The following SCAPER variants were observed in gnomAD, a reference collection of about 807,000 sequenced individuals.
SCAPER encodes the protein S phase cyclin A-associated protein in the endoplasmic reticulum.
A neutral mutation model predicts 182.2 loss-of-function variants in SCAPER; 98 were observed. The ratio of observed to expected loss-of-function variants is 0.54; its 90% CI spans 0.46 to 0.64. SCAPER has a LOEUF of 0.64. Among genes scored for constraint, SCAPER ranks in the 30% least tolerant of loss-of-function variants. The probability of loss-of-function intolerance (pLI) is 0.00; values close to 1 mark genes in which losing one functional copy is unlikely to be tolerated. For missense variants in SCAPER, 1,432 were observed against 1,690.0 expected, an observed-to-expected ratio of 0.85 and a Z score of 2.68; for synonymous variants, 605 against 564.6, an observed-to-expected ratio of 1.07 and a Z score of -1.01.
At chr15:76,521,298 G>A (rs2042815427) in intron 23 of SCAPER, among the ~76,000 whole-genome samples, 1 of 151,748 alleles carries the variant, frequency 6.6e-6, no homozygotes, top group African/African-American at 2.4e-5. Flanking sequence ...ATATAAACAG[G>A]CTTTGTTAAT....
intron 21 of SCAPER, among the ~76,000 whole-genome samples, chr15:76,627,682 C>T (rs894433182): frequency 6.6e-6 from 1 of 152,132 alleles, no homozygotes; most frequent in African/African-American, 2.4e-5. Context: ...TTTTCTTTAT[C>T]CAGTTTATCG....
At chr15:76,470,184 C>CAG (rs1321652319) in intron 25 of SCAPER, among the ~76,000 whole-genome samples, 3 of 152,150 alleles carry the variant, frequency 2.0e-5, no homozygotes, top group African/African-American at 7.2e-5. Context: ...CGTACTGAAT[C>CAG]TACTAAGTGC....
chr15:76,791,613 A>G (rs1430589163), intron 8 of SCAPER, among the ~76,000 whole-genome samples: 1 of 152,084 alleles, frequency 6.6e-6, no homozygotes, highest in African/African-American at 2.4e-5. Context: ...GAGTCAAAAA[A>G]TCTTCAATTA....
chr15:76,539,903 C>G (rs1195669198), intron 23 of SCAPER, among the ~76,000 whole-genome samples: 1 of 152,036 alleles, frequency 6.6e-6, no homozygotes, highest in Non-Finnish European at 1.5e-5. Context: ...AAGTCCAAGT[C>G]CATAATGGTA....
chr15:76,723,502 C>T (rs565329274), intron 17 of SCAPER, among the ~76,000 whole-genome samples: 5 of 152,186 alleles, frequency 3.3e-5, no homozygotes, highest in African/African-American at 1.2e-4. Context: ...CTTTCTGTCT[C>T]ATTGATCTGT....
chr15:76,471,110 T>TTTC, intron 25 of SCAPER, 102 bp downstream of exon 25: 2 of 907,086 alleles, frequency 2.2e-6, no homozygotes, highest in Non-Finnish European at 2.9e-6. Context: ...TTTTTTTTTT[T>TTTC]TTCATCTGGA....
intron 22 of SCAPER, among the ~76,000 whole-genome samples, chr15:76,577,220 C>T (rs562268725): frequency 3.9e-5 from 6 of 152,082 alleles, no homozygotes; most frequent in Admixed American, 6.5e-5. Context: ...CTGAGGCAAG[C>T]GGATTGCTTG....
chr15:76,875,214 G>A (rs1489398208), intron 2 of SCAPER, among the ~76,000 whole-genome samples: 2 of 151,930 alleles, frequency 1.3e-5, no homozygotes, highest in African/African-American at 4.8e-5. Context: ...GAATAAAGAA[G>A]AAAAAACACA....
At chr15:76,513,263 G>T (rs1363028431) in intron 23 of SCAPER, among the ~76,000 whole-genome samples, 1 of 152,112 alleles carries the variant, frequency 6.6e-6, no homozygotes, top group Non-Finnish European at 1.5e-5. Context: ...CAGTAAAAAT[G>T]TTCTGTGAGA....
intron 5 of SCAPER, among the ~76,000 whole-genome samples, chr15:76,808,822 T>C (rs2066384545): frequency 6.6e-6 from 1 of 152,110 alleles, no homozygotes; most frequent in Admixed American, 6.5e-5. Context: ...TACAAAGCAA[T>C]GGGTCAAAAG....
intron 14 of SCAPER, among the ~76,000 whole-genome samples, chr15:76,758,895 T>G (rs1279561653): frequency 6.6e-6 from 1 of 152,182 alleles, no homozygotes; most frequent in Non-Finnish European, 1.5e-5. Context: ...TCATGGTTAG[T>G]GTATGAAAAC....
chr15:76,846,895 C>A (rs1327921206), intron 4 of SCAPER, among the ~76,000 whole-genome samples: 2 of 152,102 alleles, frequency 1.3e-5, no homozygotes, highest in African/African-American at 2.4e-5. Flanking sequence ...TCAAAGAGAT[C>A]TGCACTCTCA....
chr15:76,777,402 C>A (rs146310459), intron 8 of SCAPER, among the ~76,000 whole-genome samples: 5 of 152,178 alleles, frequency 3.3e-5, no homozygotes, highest in Admixed American at 3.3e-4. Flanking sequence ...TGAAATTTAA[C>A]GAAAGAAGGT....
chr15:76,783,747 A>C (rs971903723), intron 8 of SCAPER, among the ~76,000 whole-genome samples: 3 of 152,194 alleles, frequency 2.0e-5, no homozygotes, highest in Non-Finnish European at 4.4e-5. Flanking sequence ...CAAATCAATA[A>C]ATGTAATCCA....
Position 76,604,418 on chromosome 15 carries a change from G to T in SCAPER, c.2711+17346C>A, listed in dbSNP as rs1224602556. On this transcript the variant is annotated intron_variant, in intron 22 of 31. Transcript: ENST00000563290. ...TCGGTACCAGTACCATGCTGTTTTG[G>T]TTACTGTAGCCTTGTAGTATAGTTT... Among the ~76,000 whole-genome samples, 2 of 99,536 alleles carry T rather than the reference G, an allele frequency of 2.0e-5. 1 individual carries two copies. The highest frequency in any genetic ancestry group is 5.3e-4 in the East Asian group (2 of 3,754). 65.3% of individuals were successfully genotyped at this position (99,536 alleles called of 152,430 possible). A position where few individuals can be genotyped will look rare whatever the true frequency, so the allele number is the denominator to read the frequency against.
At chr15:76,661,354 C>A (rs540866558) in intron 21 of SCAPER, among the ~76,000 whole-genome samples, 28 of 152,252 alleles carry the variant, frequency 1.8e-4, no homozygotes, top group African/African-American at 6.7e-4. Flanking sequence ...TAAAGAGCTT[C>A]TGCATAGCAA....
At position 76,404,675 on chromosome 15, in the gene SCAPER, C is replaced by T. The variant is rs780866437; in HGVS notation, c.3316G>A (p.Val1106Met). Reference protein sequence around the residue: ...NNRVQDLISYVVNMGLIDKLC... With the variant: ...NNRVQDLISYMVNMGLIDKLC... Reference sequence around the variant, plus strand: ...TTGTCAATCAGACCCATGTTCACCACGTAGCTAGATATGGGGGAGAAATGC... The same window carrying T: ...TTGTCAATCAGACCCATGTTCACCATGTAGCTAGATATGGGGGAGAAATGC... The change falls in exon 27 of 32, where the codon GTG (valine) becomes ATG (methionine). Residue 1106 changes from valine to methionine, a missense_variant. Val to Met is a conservative substitution (Grantham distance 21, BLOSUM62 1). Coordinates refer to ENST00000563290, the MANE Select transcript of SCAPER (RefSeq NM_020843.4). 1.2e-5 allele frequency: 19 copies of T among 1,610,028 alleles called. No homozygotes were observed. Among genetic ancestry groups the T allele is most frequent in the Middle Eastern group, 1.7e-4 (1 of 6,044 alleles).
chr15:76,370,217 C>T lies in SCAPER; in HGVS notation c.3855+5945G>A, dbSNP rs558749015. On this transcript the variant is annotated intron_variant, in intron 29 of 31. Transcript: ENST00000563290. ...GACTCATGGAACTCACAGGGGAGGTCATCTAGTATAATCCACTTCTTTTTT... is the reference window on the plus strand; with the variant it reads ...GACTCATGGAACTCACAGGGGAGGTTATCTAGTATAATCCACTTCTTTTTT... Among the ~76,000 whole-genome samples, 8 of 149,932 alleles carry T rather than the reference C, an allele frequency of 5.3e-5. No individual in the cohort carries two copies. The South Asian group carries it at 1.5e-3, about 28-fold the overall frequency.
intron 24 of SCAPER, chr15:76,498,336 ATTT>A (rs1203884558): frequency 6.6e-6 from 1 of 152,126 alleles, no homozygotes; most frequent in Non-Finnish European, 1.5e-5. Context: ...GCCCTAGATT[ATTT>A]ACCTGCTTCT....
Sources: allele counts gnomAD v4.1 joint callset (sites outside exome capture counted in the v4.1 genomes callset), GRCh38; gene constraint gnomAD v4.1.1; transcripts MANE v1.5; gene names NCBI Gene and HGNC (gene_info 2026-07-23, HGNC 2026-07-21).